The following OTUD4 variants were observed in gnomAD, a reference collection of about 807,000 sequenced individuals.
OTUD4 encodes the protein OTU deubiquitinase 4.
A neutral mutation model predicts 130.4 loss-of-function variants in OTUD4; 24 were observed. That is an observed-to-expected ratio of 0.18 (90% CI 0.13 to 0.26). The LOEUF is 0.26. OTUD4 is among the 10% of genes least tolerant of loss of function. The pLI is 1.00. For synonymous variants in OTUD4, 420 were observed against 472.5 expected, an observed-to-expected ratio of 0.89 and a Z score of 1.44; for missense variants, 1,031 against 1,329.4, an observed-to-expected ratio of 0.78 and a Z score of 3.49.
Position 145,138,459 on chromosome 4 carries a change from A to C in OTUD4, c.2316T>G (p.Thr772=). The stretch of plus-strand genomic sequence containing the variant: ...GCATTTGACCATTAACACTGGCCTC[A>C]GTCTGCATAGGAAAGTGGGCATCAG... The part of the protein sequence containing the change: ...TCTDAHFPMQ[T]EASVNGQMPQ... Residue 772 remains threonine (T), a synonymous_variant, in exon 21 of 21, where the codon ACT becomes ACG. Coordinates refer to ENST00000447906, the MANE Select transcript of OTUD4 (RefSeq NM_001366057.1). The C allele has an allele frequency of 2.5e-6, 4 of 1,614,186 alleles. No individual in the cohort carries two copies. The highest frequency in any genetic ancestry group is 3.4e-6 in the Non-Finnish European group (4 of 1,180,018).
At chr4:145,152,789 T>A (rs1489656632) in intron 10 of OTUD4, among the ~76,000 whole-genome samples, 154 bp from the exon 11 acceptor site, 1 of 151,890 alleles carries the variant, frequency 6.6e-6, no homozygotes, top group Non-Finnish European at 1.5e-5. Context: ...CAATCTTGGC[T>A]CACTGCAACC....
intron 3 of OTUD4, chr4:145,171,400 C>T (rs921289733): frequency 1.4e-4 from 45 of 318,764 alleles, no homozygotes; most frequent in Admixed American, 3.4e-4. Flanking sequence ...AAAATCATCA[C>T]CCCAGTATTA....
intron 14 of OTUD4, among the ~76,000 whole-genome samples, chr4:145,144,732 A>AT (rs1560980289): frequency 6.6e-6 from 1 of 151,948 alleles, no homozygotes; most frequent in African/African-American, 2.4e-5. Flanking sequence ...TTACCCTACA[A>AT]TTTTTCTTTC....
intron 3 of OTUD4, among the ~76,000 whole-genome samples, chr4:145,167,835 GTAT>G (rs1751952308): frequency 1.3e-5 from 2 of 152,068 alleles, no homozygotes; most frequent in African/African-American, 4.8e-5. Context: ...TCCAGCCTGC[GTAT>G]TAAGAGTGAA....
chr4:145,160,700 C>T (rs36225153), intron 6 of OTUD4, among the ~76,000 whole-genome samples: 14,948 of 152,138 alleles, frequency 0.098, 790 homozygotes, highest in Middle Eastern at 0.18. Context: ...GTAATTCCAG[C>T]TACGCAGGAG....
At chr4:145,145,853 A>C (rs1750793351) in intron 14 of OTUD4, among the ~76,000 whole-genome samples, 1 of 152,250 alleles carries the variant, frequency 6.6e-6, no homozygotes. Flanking sequence ...CCACAGGATG[A>C]CATGTGCTAC....
In OTUD4 at chr4:145,179,944, G is replaced by A; in HGVS notation, c.30C>T (p.Gly10=). The A allele has an allele frequency of 2.0e-6, 3 of 1,521,882 alleles. No individual in the cohort carries two copies. The highest frequency in any genetic ancestry group is 1.8e-6 in the Non-Finnish European group (2 of 1,141,916). 94.3% of individuals were successfully genotyped at this position (1,521,882 alleles called of 1,614,324 possible). A position where few individuals can be genotyped will look rare whatever the true frequency, so the allele number is the denominator to read the frequency against. ...GGGGCCCCGCGCCGCCCTGGTCCCC[G>A]CCGTCGGGGACGCCGACGGCAGCCT... MEAAVGVPD[G]GDQGGAGPRE... The change falls in exon 1 of 21, where the codon GGC becomes GGT. Residue 10 remains glycine (G), a synonymous_variant. Coordinates refer to ENST00000447906, the MANE Select transcript of OTUD4 (RefSeq NM_001366057.1).
In OTUD4 at chr4:145,164,345, T is replaced by G. The variant is rs1751740750; in HGVS notation, c.342-119A>C. On this transcript the variant is annotated intron_variant, in intron 4 of 20. Transcript: ENST00000447906. ...CAGGCACTGTCCCAACCACTGGAGA[T>G]ACAAAAGACAATAATGAGATAACTA... The G allele has an allele frequency of 8.7e-6, 4 of 460,872 alleles. No homozygotes were observed. In the Admixed American group the frequency reaches 1.2e-4, roughly 14 times the overall value. The allele number at this position is 460,872 out of a possible 1,614,324, so 28.5% of individuals were successfully genotyped here. A position where few individuals can be genotyped will look rare whatever the true frequency, so the allele number is the denominator to read the frequency against.
chr4:145,146,395 G>A lies in OTUD4; in HGVS notation c.1294C>T (p.His432Tyr). The A allele has an allele frequency of 1.3e-6, 2 of 1,571,528 alleles. No homozygotes were observed. Among genetic ancestry groups the A allele is most frequent in the Non-Finnish European group, 1.7e-6 (2 of 1,163,346 alleles). The change falls in exon 14 of 21, where the codon CAC (histidine) becomes TAC (tyrosine). Residue 432 changes from histidine to tyrosine, a missense_variant. Transcript: ENST00000447906. ...AAATAGTTAGATTCTCGACTTGTGT[G>A]ATCAAAATCCTCAACTCTTTCACGA... is the stretch of plus-strand genomic sequence containing the variant. Reference protein sequence around the residue: ...PDRERVEDFDHTSRESNYFGL... With the variant: ...PDRERVEDFDYTSRESNYFGL...
chr4:145,156,238 CAT>C (rs1435947549), intron 7 of OTUD4, among the ~76,000 whole-genome samples: 1 of 152,224 alleles, frequency 6.6e-6, no homozygotes, highest in East Asian at 1.9e-4. Flanking sequence ...AATAAGAAAA[CAT>C]AAACTGTGAA....
intron 10 of OTUD4, 148 bp downstream of exon 10, chr4:145,155,263 T>G (rs1751231296): frequency 1.5e-6 from 1 of 650,814 alleles, no homozygotes; most frequent in South Asian, 2.0e-5. Context: ...GCTAAATACT[T>G]GTAAACTATT....
At chr4:145,172,141 G>A (rs1295531052) in intron 2 of OTUD4, among the ~76,000 whole-genome samples, 1 of 152,208 alleles carries the variant, frequency 6.6e-6, no homozygotes, top group African/African-American at 2.4e-5. Flanking sequence ...CCAAAGGGGG[G>A]CCTGTTTACA....
At position 145,159,600 on chromosome 4, in the gene OTUD4, T is replaced by C; in HGVS notation, c.532A>G (p.Lys178Glu). ...ATCACAATTTTACTAACATCAGTTT[T>C]AAATACCTTCTCATACAGCAATTCA... is the stretch of plus-strand genomic sequence containing the variant. ...LYELLYEKVF[K>E]TDVSKIVMEL... is the part of the protein sequence containing the mutation. The change falls in exon 7 of 21, where the codon AAA (lysine) becomes GAA (glutamate). Residue 178 changes from lysine to glutamate, a missense_variant. Around this residue, in one of 3 missense-constraint regions of OTUD4, gnomAD observed 77 missense variants for 172.9 expected, o/e 0.45. Transcript: ENST00000447906. 2 of 1,613,418 alleles carry C rather than the reference T, an allele frequency of 1.2e-6. No homozygotes were observed. Among genetic ancestry groups the C allele is most frequent in the Non-Finnish European group, 1.7e-6 (2 of 1,179,542 alleles).
rs1251406342 is a variant in OTUD4 at position 145,139,934 on chromosome 4, T to A, written c.2124+17A>T. 1.3e-6 allele frequency: 1 copy of A among 759,708 alleles called. No homozygotes were observed. Among genetic ancestry groups the A allele is most frequent in the South Asian group, 1.6e-5 (1 of 60,948 alleles). The allele number at this position is 759,708 out of a possible 1,614,324, so 47.1% of individuals were successfully genotyped here. A position where few individuals can be genotyped will look rare whatever the true frequency, so the allele number is the denominator to read the frequency against. ...TTAATGAATAAAATAACTTTTAAGA[T>A]GATAAAATGTAAATACCTTCACACC... On this transcript the variant is annotated intron_variant, in intron 20 of 20. Transcript: ENST00000447906.
At chr4:145,161,193 T>A (rs534019350) in intron 6 of OTUD4, among the ~76,000 whole-genome samples, 13 of 152,128 alleles carry the variant, frequency 8.5e-5, no homozygotes, top group Non-Finnish European at 1.8e-4. Context: ...TTCCTTCTTA[T>A]AGACCATCTT....
In OTUD4 at chr4:145,142,066, G is replaced by A. The variant is rs191659367; in HGVS notation, c.1822+130C>T. ...CACATTGGAAGCAGAGCAAAGCAGAGTATCACAGAAAGCTCTGTGAGGCTC... is the reference window on the plus strand; with the variant it reads ...CACATTGGAAGCAGAGCAAAGCAGAATATCACAGAAAGCTCTGTGAGGCTC... On this transcript the variant is annotated intron_variant, in intron 18 of 20. Transcript: ENST00000447906. 52 of 759,088 alleles carry A rather than the reference G, an allele frequency of 6.9e-5. No individual in the cohort carries two copies. In the East Asian group the frequency reaches 1.3e-3, roughly 18 times the overall value. The allele number at this position is 759,088 out of a possible 1,614,324, so 47.0% of individuals were successfully genotyped here.
At chr4:145,155,752 C>A in intron 8 of OTUD4, 66 bp from the exon 9 acceptor site, 1 of 1,146,414 alleles carries the variant, frequency 8.7e-7, no homozygotes, top group Non-Finnish European at 1.3e-6. Context: ...TTGAGATACA[C>A]GTAAAACTAA....
chr4:145,171,463 A>C, intron 3 of OTUD4: 1 of 458,826 alleles, frequency 2.2e-6, no homozygotes, highest in Non-Finnish European at 3.9e-6. Flanking sequence ...ATAAAATATC[A>C]CAACTCTGCC....
At chr4:145,153,059 C>T (rs1246378019) in intron 10 of OTUD4, among the ~76,000 whole-genome samples, 1 of 152,098 alleles carries the variant, frequency 6.6e-6, no homozygotes, top group Admixed American at 6.6e-5. Context: ...TTTAATTAAA[C>T]AGAAAATAAA....
Sources: allele counts gnomAD v4.1 joint callset (sites outside exome capture counted in the v4.1 genomes callset), GRCh38; gene constraint gnomAD v4.1.1; regional missense constraint gnomAD v4.1.1; transcripts MANE v1.5; gene names NCBI Gene and HGNC (gene_info 2026-07-23, HGNC 2026-07-21).